Variants in PARD3B observed in about 807,000 individuals in gnomAD.
PARD3B encodes the protein partitioning defective 3 homolog B.
PARD3B carries 103 observed loss-of-function variants against 130.2 expected under a neutral mutation model. That is an observed-to-expected ratio of 0.79 (90% CI 0.67 to 0.93). PARD3B has a LOEUF of 0.93. Among genes scored for constraint, PARD3B ranks in the 40% least tolerant of loss-of-function variants. The probability of loss-of-function intolerance (pLI) is 0.00; values close to 1 mark genes in which losing one functional copy is unlikely to be tolerated. For missense variants in PARD3B, 1,609 were observed against 1,499.2 expected (o/e 1.07, Z -1.21); for synonymous variants, 583 against 553.2 (o/e 1.05, Z -0.76).
rs553873835 is a variant in PARD3B at position 204,608,618 on chromosome 2, T to C, written c.120+62499T>C. Among the ~76,000 whole-genome samples the C allele has an allele frequency of 2.0e-5, 3 of 152,288 alleles. No homozygotes were observed. In the East Asian group the frequency reaches 5.8e-4, roughly 29 times the overall value. On this transcript the variant is annotated intron_variant, in intron 1 of 22. Coordinates refer to ENST00000406610, the MANE Select transcript of PARD3B (RefSeq NM_001302769.2). The stretch of plus-strand genomic sequence containing the variant: ...CAGATAAATCAGTTGGTTGGCTCAG[T>C]AGATTTTTGGGAGTGTTGGTGACAT...
At chr2:204,771,507 A>C (rs539728643) in intron 2 of PARD3B, among the ~76,000 whole-genome samples, 26 of 152,170 alleles carry the variant, frequency 1.7e-4, no homozygotes, top group Non-Finnish European at 3.2e-4. Flanking sequence ...AACAATAGAC[A>C]CTAAGGAGTA....
chr2:205,036,708 AAAT>A (rs1405166361), intron 3 of PARD3B, among the ~76,000 whole-genome samples: 1 of 146,050 alleles, frequency 6.8e-6, no homozygotes, highest in Non-Finnish European at 1.5e-5. Context: ...TATGTACAAA[AAAT>A]ATATATACAC....
intron 22 of PARD3B, among the ~76,000 whole-genome samples, chr2:205,579,583 A>T (rs1272986324): frequency 6.6e-6 from 1 of 152,214 alleles, no homozygotes; most frequent in Non-Finnish European, 1.5e-5. Flanking sequence ...CAGTACTTCA[A>T]ACCAATTTTG....
At position 205,301,551 on chromosome 2, in the gene PARD3B, T is replaced by C. The variant is rs1163511799; in HGVS notation, c.2480T>C (p.Met827Thr). 1.9e-6 allele frequency: 3 copies of C among 1,611,282 alleles called. No individual in the cohort carries two copies. Among genetic ancestry groups the C allele is most frequent in the Admixed American group, 1.7e-5 (1 of 59,766 alleles). ...CAGGGGAATTCGGAGCTAGAGGACA[T>C]GGAAAATAAAGCCAGGAAAGTCAAA... ...APQGNSELEDMENKARKVKKT... is the reference protein window; with the variant it reads ...APQGNSELEDTENKARKVKKT... Residue 827 changes from methionine (M) to threonine (T), a missense_variant, in exon 18 of 23, where the codon ATG (methionine) becomes ACG (threonine). Met to Thr is a moderately conservative substitution (Grantham distance 81, BLOSUM62 -1). Coordinates refer to ENST00000406610, the MANE Select transcript of PARD3B (RefSeq NM_001302769.2). This position sits in a 1 kb window ranked among gnomAD's most constrained non-coding sequence, Gnocchi z 5.2.
intron 1 of PARD3B, among the ~76,000 whole-genome samples, chr2:204,575,646 TCTC>T (rs1244764166): frequency 1.3e-5 from 2 of 152,212 alleles, no homozygotes; most frequent in African/African-American, 4.8e-5. Flanking sequence ...CCCTGCCTGT[TCTC>T]CTCCTGGCTC....
rs192111045 is a variant in PARD3B, at chr2:204,835,101, G to T, written c.223-130051G>T. Among the ~76,000 whole-genome samples, 10 of 152,330 alleles carry T rather than the reference G, an allele frequency of 6.6e-5. No homozygotes were observed. The East Asian group carries it at 1.9e-3, about 29-fold the overall frequency. On this transcript the variant is annotated intron_variant, in intron 2 of 22. Coordinates refer to ENST00000406610, the MANE Select transcript of PARD3B (RefSeq NM_001302769.2). Reference sequence around the variant, plus strand: ...AGATAATTACAGGAAAGCTCTTGGAGAACTGGATGCAGTGCTGAAATGAGC... The same window carrying T: ...AGATAATTACAGGAAAGCTCTTGGATAACTGGATGCAGTGCTGAAATGAGC...
chr2:205,412,343 AG>A, intron 19 of PARD3B, among the ~76,000 whole-genome samples: 1 of 152,326 alleles, frequency 6.6e-6, no homozygotes, highest in East Asian at 1.9e-4. Context: ...CTTCTCCAAG[AG>A]GTCGTGGAAA....
chr2:204,840,152 T>C (rs1021519258), intron 2 of PARD3B, among the ~76,000 whole-genome samples: 1 of 152,264 alleles, frequency 6.6e-6, no homozygotes, highest in East Asian at 1.9e-4. Context: ...AGTTACTCAG[T>C]AGAAATACTT....
intron 3 of PARD3B, among the ~76,000 whole-genome samples, chr2:205,018,283 T>C (rs1696312155): frequency 1.3e-5 from 2 of 152,148 alleles, no homozygotes; most frequent in African/African-American, 4.8e-5. Flanking sequence ...TAAACAGATA[T>C]GATATATCTG....
intron 18 of PARD3B, among the ~76,000 whole-genome samples, chr2:205,359,325 C>A (rs2044305986): frequency 6.6e-6 from 1 of 152,190 alleles, no homozygotes. Context: ...TATATCTTGT[C>A]TCCACAATAA....
At chr2:204,995,305 G>T (rs1390415608) in intron 3 of PARD3B, among the ~76,000 whole-genome samples, 1 of 150,746 alleles carries the variant, frequency 6.6e-6, no homozygotes, top group African/African-American at 2.4e-5. Flanking sequence ...GCATTTGCTT[G>T]TCTATAAAGT....
At chr2:204,778,157 A>G (rs2125446510) in intron 2 of PARD3B, among the ~76,000 whole-genome samples, 1 of 152,072 alleles carries the variant, frequency 6.6e-6, no homozygotes, top group Non-Finnish European at 1.5e-5. Flanking sequence ...AAAAAAAAAA[A>G]AAAAAAAGAT....
chr2:204,703,656 T>G lies in PARD3B; in HGVS notation c.222+17374T>G, dbSNP rs997540665. Among the ~76,000 whole-genome samples the G allele has an allele frequency of 1.1e-3, 169 of 152,306 alleles. 1 individual carries two copies. The highest frequency in any genetic ancestry group is 3.8e-3 in the African/African-American group (157 of 41,578). On this transcript the variant is annotated intron_variant, in intron 2 of 22. Coordinates refer to ENST00000406610, the MANE Select transcript of PARD3B (RefSeq NM_001302769.2). Reference sequence around the variant, plus strand: ...GGTTAAAAGTTCAGAACTCGTTAGCTTAATCATTAAAAAATAACCAATTCA... The same window carrying G: ...GGTTAAAAGTTCAGAACTCGTTAGCGTAATCATTAAAAAATAACCAATTCA...
intron 18 of PARD3B, among the ~76,000 whole-genome samples, chr2:205,373,520 T>C (rs74332422): frequency 6.6e-6 from 1 of 152,296 alleles, no homozygotes; most frequent in Non-Finnish European, 1.5e-5. Flanking sequence ...GCATAATGGT[T>C]CAAACCATTC....
intron 2 of PARD3B, among the ~76,000 whole-genome samples, chr2:204,908,476 G>C (rs1267517572): frequency 6.6e-6 from 1 of 152,076 alleles, no homozygotes; most frequent in African/African-American, 2.4e-5. Flanking sequence ...TCTACCAACT[G>C]GGAATATTTT....
At chr2:205,339,450 G>A (rs1490836389) in intron 18 of PARD3B, among the ~76,000 whole-genome samples, 1 of 152,180 alleles carries the variant, frequency 6.6e-6, no homozygotes, top group East Asian at 1.9e-4. Flanking sequence ...TAAAAGTGTG[G>A]TCTGTGGACT....
chr2:205,466,372 A>T (rs928964722), intron 20 of PARD3B, among the ~76,000 whole-genome samples: 2 of 152,070 alleles, frequency 1.3e-5, no homozygotes, highest in African/African-American at 4.8e-5. Flanking sequence ...CCTGGAAGAG[A>T]GGGTATGACA....
At chr2:205,042,092 A>C (rs914802694) in intron 3 of PARD3B, among the ~76,000 whole-genome samples, 2 of 152,182 alleles carry the variant, frequency 1.3e-5, no homozygotes, top group Non-Finnish European at 2.9e-5. Flanking sequence ...TCATTGGTAT[A>C]CCAATTTCAC....
chr2:205,059,366 A>G (rs1369903660), intron 4 of PARD3B, among the ~76,000 whole-genome samples: 1 of 152,000 alleles, frequency 6.6e-6, no homozygotes, highest in Non-Finnish European at 1.5e-5. Context: ...ATAATTTTTC[A>G]CATGTGCAAA....
Sources: allele counts gnomAD v4.1 joint callset (sites outside exome capture counted in the v4.1 genomes callset), GRCh38; gene constraint gnomAD v4.1.1; non-coding constraint Gnocchi (gnomAD v3.1); transcripts MANE v1.5; gene names NCBI Gene and HGNC (gene_info 2026-07-23, HGNC 2026-07-21).